Variants in ANKIB1 observed in about 807,000 individuals in gnomAD.
ANKIB1 encodes the protein ankyrin repeat and IBR domain containing 1, also known as ankyrin repeat and IBR domain-containing protein 1.
A neutral mutation model predicts 122.1 loss-of-function variants in ANKIB1; 43 were observed. That is an observed-to-expected ratio of 0.35 (90% confidence interval 0.28 to 0.45). ANKIB1 has a LOEUF of 0.45. ANKIB1 is among the 20% of genes least tolerant of loss of function. The pLI is 1.00. For synonymous variants in ANKIB1, 390 were observed against 442.0 expected (o/e 0.88, Z 1.48); for missense variants, 992 against 1,329.5 (o/e 0.75, Z 3.95).
rs1804756080 is a variant in ANKIB1 at position 92,390,136 on chromosome 7, A to G, written c.2052+20A>G. On this transcript the variant is annotated intron_variant, in intron 15 of 19. Coordinates refer to ENST00000265742, the MANE Select transcript of ANKIB1 (RefSeq NM_019004.2). ...ATGCAAGTAAGATTTTTTTAATTAC[A>G]TTTAAATGGCAGCAGTTATTATGAA... 1 of 1,524,704 alleles carries G rather than the reference A, an allele frequency of 6.6e-7. No individual in the cohort carries two copies. The highest frequency in any genetic ancestry group is 1.4e-5 in the African/African-American group (1 of 70,670). 94.4% of individuals were successfully genotyped at this position (1,524,704 alleles called of 1,614,324 possible). A position where few individuals can be genotyped will look rare whatever the true frequency, so the allele number is the denominator to read the frequency against.
Position 92,353,651 on chromosome 7 carries a change from G to A in ANKIB1, c.1397+1009G>A, listed in dbSNP as rs374305373. ...CTACCCTGGTCTACTTCTTACCTTC[G>A]CCATCATCATTAGTTAAAAGTATTT... On this transcript the variant is annotated intron_variant, in intron 9 of 19. Coordinates refer to ENST00000265742, the MANE Select transcript of ANKIB1 (RefSeq NM_019004.2). Among the ~76,000 whole-genome samples the A allele has an allele frequency of 3.2e-4, 48 of 152,190 alleles. 1 individual carries two copies. The highest frequency in any genetic ancestry group is 9.9e-4 in the African/African-American group (41 of 41,506).
At chr7:92,272,565 C>G (rs1801820001) in intron 1 of ANKIB1, among the ~76,000 whole-genome samples, 1 of 152,040 alleles carries the variant, frequency 6.6e-6, no homozygotes, top group African/African-American at 2.4e-5. Flanking sequence ...ATGAAAAGCC[C>G]TAGGATGACA....
At chr7:92,324,008 A>G (rs957348161) in intron 4 of ANKIB1, among the ~76,000 whole-genome samples, 1 of 152,224 alleles carries the variant, frequency 6.6e-6, no homozygotes, top group Admixed American at 6.5e-5. Context: ...TGTGATGCTC[A>G]GGCAAGAACA....
At chr7:92,279,904 C>G (rs1801983036) in intron 1 of ANKIB1, among the ~76,000 whole-genome samples, 1 of 152,132 alleles carries the variant, frequency 6.6e-6, no homozygotes, top group Admixed American at 6.6e-5. Context: ...ACACACACAT[C>G]AGGGTGAAAA....
intron 1 of ANKIB1, among the ~76,000 whole-genome samples, chr7:92,262,913 C>T (rs1801594695): frequency 6.6e-6 from 1 of 152,112 alleles, no homozygotes; most frequent in African/African-American, 2.4e-5. Context: ...GTCACCCTTA[C>T]TTCATAATGG....
chr7:92,261,381 A>G (rs1329640956), intron 1 of ANKIB1, among the ~76,000 whole-genome samples: 1 of 137,946 alleles, frequency 7.2e-6, no homozygotes, highest in Non-Finnish European at 1.6e-5. Context: ...AGAAATTACT[A>G]TGTTTTTTGT....
rs1387155133 is a variant in ANKIB1, at chr7:92,401,189, TAA to T, written c.*2242_*2243del. On this transcript the variant is annotated 3_prime_UTR_variant, in exon 20 of 20. Coordinates refer to ENST00000265742, the MANE Select transcript of ANKIB1 (RefSeq NM_019004.2). ...ATGAAGTTTGGCAAAGCCTATTTTG[TAA>T]ACAAGTTAATTTTATAATGTAAAAA... The T allele has an allele frequency of 1.3e-5, 2 of 152,220 alleles. No individual in the cohort carries two copies. The highest frequency in any genetic ancestry group is 2.9e-5 in the Non-Finnish European group (2 of 68,042). 9.4% of individuals were successfully genotyped at this position (152,220 alleles called of 1,614,324 possible). A position where few individuals can be genotyped will look rare whatever the true frequency, so the allele number is the denominator to read the frequency against.
intron 11 of ANKIB1, among the ~76,000 whole-genome samples, chr7:92,380,151 G>A (rs981324752): frequency 6.6e-6 from 1 of 152,112 alleles, no homozygotes; most frequent in South Asian, 2.1e-4. Context: ...CTGCTATTCC[G>A]AGATCTAACT....
chr7:92,251,458 C>A (rs1226175646), intron 1 of ANKIB1, among the ~76,000 whole-genome samples: 1 of 152,138 alleles, frequency 6.6e-6, no homozygotes, highest in African/African-American at 2.4e-5. Context: ...TGCTGTATCA[C>A]TAGATGTTCT....
intron 1 of ANKIB1, among the ~76,000 whole-genome samples, chr7:92,261,255 A>T (rs1476972155): frequency 1.3e-5 from 2 of 150,494 alleles, no homozygotes. Context: ...AGGCTGAGGC[A>T]GGAGAATGGC....
chr7:92,326,365 A>G (rs1234876573), intron 4 of ANKIB1, among the ~76,000 whole-genome samples: 1 of 152,186 alleles, frequency 6.6e-6, no homozygotes, highest in South Asian at 2.1e-4. Context: ...CGATAACACT[A>G]ATCTGGAGAA....
chr7:92,371,950 GGTGTGTGTGTGTGTGT>G (rs55936298), intron 11 of ANKIB1, among the ~76,000 whole-genome samples: 5,263 of 118,138 alleles, frequency 0.045, 96 homozygotes, highest in Non-Finnish European at 0.048. Context: ...TTGAGAGAGG[GGTGTGTGTGTGTGTGT>G]GTGTGTGTGT....
chr7:92,303,831 A>G (rs1802501199), intron 2 of ANKIB1, among the ~76,000 whole-genome samples: 1 of 152,204 alleles, frequency 6.6e-6, no homozygotes, highest in Non-Finnish European at 1.5e-5. Context: ...CCATGTAGTG[A>G]TAAGAATAGG....
chr7:92,362,971 A>G (rs997501390), intron 10 of ANKIB1, among the ~76,000 whole-genome samples: 2 of 152,160 alleles, frequency 1.3e-5, no homozygotes, highest in Non-Finnish European at 2.9e-5. Flanking sequence ...CTGCTTTGCA[A>G]TAATTTCCCA....
chr7:92,325,980 A>G (rs1198993145), intron 4 of ANKIB1: 2 of 447,056 alleles, frequency 4.5e-6, no homozygotes, highest in African/African-American at 2.0e-5. Context: ...AAATGGAAGC[A>G]GTTTATCTTT....
chr7:92,264,473 C>G (rs1322820307), intron 1 of ANKIB1, among the ~76,000 whole-genome samples: 1 of 152,036 alleles, frequency 6.6e-6, no homozygotes, highest in African/African-American at 2.4e-5. Flanking sequence ...TGTCGGCTCA[C>G]CACAACCTCC....
At chr7:92,278,096 A>T (rs1801941356) in intron 1 of ANKIB1, among the ~76,000 whole-genome samples, 1 of 151,804 alleles carries the variant, frequency 6.6e-6, no homozygotes, top group African/African-American at 2.4e-5. Flanking sequence ...AAAAAAAAAA[A>T]AAAAGTTACC....
intron 11 of ANKIB1, among the ~76,000 whole-genome samples, chr7:92,375,213 C>G (rs1205777972): frequency 2.0e-5 from 3 of 152,170 alleles, no homozygotes; most frequent in African/African-American, 7.2e-5. Flanking sequence ...GTTGATGCTG[C>G]TAACTGAACA....
At chr7:92,251,067 TAGAC>T (rs1801320054) in intron 1 of ANKIB1, among the ~76,000 whole-genome samples, 1 of 152,332 alleles carries the variant, frequency 6.6e-6, no homozygotes, top group African/African-American at 2.4e-5. Context: ...TAACTTAACA[TAGAC>T]AGTCCTTTCA....
Sources: gnomAD v4.1 joint callset for allele counts (sites outside exome capture counted in the v4.1 genomes callset) on GRCh38, gnomAD v4.1.1 for gene constraint, MANE v1.5 for transcripts, NCBI Gene and HGNC (gene_info 2026-07-23, HGNC 2026-07-21) for gene names.